NAA25: variants seen among roughly 807,000 people sequenced by gnomAD.
The protein encoded by NAA25 is N-alpha-acetyltransferase 25, NatB auxiliary subunit, also known as N-terminal acetyltransferase B complex subunit NAA25.
NAA25 carries 30 observed loss-of-function variants against 132.5 expected under a neutral mutation model. The observed-to-expected ratio is 0.23, with a 90% CI of 0.17 to 0.31. The LOEUF (loss-of-function observed/expected upper bound fraction) is 0.31. Among genes scored for constraint, NAA25 ranks in the 10% least tolerant of loss-of-function variants. NAA25 has a pLI of 1.00. For missense variants in NAA25, 771 were observed against 1,150.4 expected (o/e 0.67, Z 4.77); for synonymous variants, 359 against 401.9 (o/e 0.89, Z 1.28).
intron 1 of NAA25, among the ~76,000 whole-genome samples, chr12:112,094,900 T>C (rs983463009): frequency 1.3e-5 from 2 of 152,076 alleles, no homozygotes; most frequent in African/African-American, 2.4e-5. Flanking sequence ...CCTCAAGTGA[T>C]CTGCCCGCCT....
rs2079404066 is a variant in NAA25 at position 112,108,765 on chromosome 12, C to G, written c.9G>C (p.Thr3=). The G allele has an allele frequency of 6.6e-7, 1 of 1,523,480 alleles. No individual in the cohort carries two copies. Among genetic ancestry groups the G allele is most frequent in the Non-Finnish European group, 8.8e-7 (1 of 1,132,196 alleles). 94.4% of individuals were successfully genotyped at this position (1,523,480 alleles called of 1,614,324 possible). MA[T]RGHVQDPNDR... ...CGTTAGGGTCCTGCACATGGCCCCG[C>G]GTCGCCATGATGACAAGCGCAGAAC... The change falls in exon 1 of 24, where the codon ACG becomes ACC. Residue 3 remains threonine (T), a synonymous_variant. Transcript: ENST00000261745.
intron 5 of NAA25, among the ~76,000 whole-genome samples, chr12:112,079,929 G>C (rs916449800): frequency 4.6e-5 from 7 of 152,088 alleles, no homozygotes; most frequent in Non-Finnish European, 8.8e-5. Context: ...ATAGATTAGA[G>C]ATTCAGGGGA....
intron 23 of NAA25, among the ~76,000 whole-genome samples, chr12:112,032,088 C>T (rs528515809): frequency 1.3e-5 from 2 of 151,742 alleles, no homozygotes; most frequent in Admixed American, 6.6e-5. Context: ...CTCAGCCTCC[C>T]GAGTAGCTGG....
intron 8 of NAA25, among the ~76,000 whole-genome samples, chr12:112,075,181 G>A (rs992562658): frequency 6.6e-6 from 1 of 151,668 alleles, no homozygotes; most frequent in Non-Finnish European, 1.5e-5. Flanking sequence ...CACCATGGTG[G>A]CACAAGTATC....
intron 23 of NAA25, 76 bp downstream of exon 23, chr12:112,033,157 G>T (rs2078172032): frequency 3.5e-6 from 5 of 1,422,244 alleles, no homozygotes; most frequent in Non-Finnish European, 4.7e-6. Flanking sequence ...ACTTGTCCTT[G>T]TGATAAAGAT....
intron 18 of NAA25, 43 bp downstream of exon 18, chr12:112,043,582 T>C (rs1234659565): frequency 1.2e-6 from 2 of 1,604,614 alleles, no homozygotes; most frequent in East Asian, 2.2e-5. Context: ...CAGTCATAAA[T>C]ATAATTATTG....
intron 16 of NAA25, among the ~76,000 whole-genome samples, chr12:112,048,071 A>C (rs1302419690): frequency 6.6e-6 from 1 of 152,148 alleles, no homozygotes; most frequent in East Asian, 1.9e-4. Context: ...CCAGGCATTG[A>C]TGACCATGAC....
intron 21 of NAA25, 57 bp downstream of exon 21, chr12:112,040,424 G>A: frequency 1.9e-6 from 2 of 1,061,988 alleles, no homozygotes; most frequent in Non-Finnish European, 2.8e-6. Context: ...GTTGAAAAAT[G>A]AATCCTGTAG....
intron 3 of NAA25, among the ~76,000 whole-genome samples, chr12:112,088,646 G>C (rs2079089118): frequency 6.7e-6 from 1 of 148,238 alleles, no homozygotes; most frequent in Admixed American, 6.7e-5. Context: ...TTTGGAGACA[G>C]AGTTTTGCTC....
In NAA25 at chr12:112,028,451, T is replaced by C. The variant is rs1322721413; in HGVS notation, c.*1080A>G. 1 of 152,396 alleles carries C rather than the reference T, an allele frequency of 6.6e-6. No homozygotes were observed. The highest frequency in any genetic ancestry group is 1.5e-5 in the Non-Finnish European group (1 of 68,036). 9.4% of individuals were successfully genotyped at this position (152,396 alleles called of 1,614,324 possible). A position where few individuals can be genotyped will look rare whatever the true frequency, so the allele number is the denominator to read the frequency against. On this transcript the variant is annotated 3_prime_UTR_variant, in exon 24 of 24. Coordinates refer to ENST00000261745, the MANE Select transcript of NAA25 (RefSeq NM_024953.4). ...GAACAAAGTAAACACCATCCTGTTA[T>C]AATTCTCTAAGTTTGAAGAAAGTAG...
chr12:112,091,186 C>T (rs1236313194), intron 2 of NAA25, among the ~76,000 whole-genome samples: 1 of 150,566 alleles, frequency 6.6e-6, no homozygotes, highest in East Asian at 2.0e-4. Flanking sequence ...TCCTCGAGCC[C>T]GGGAGGTTGA....
chr12:112,064,209 C>A (rs2078679489), intron 11 of NAA25: 1 of 152,160 alleles, frequency 6.6e-6, no homozygotes, highest in Non-Finnish European at 1.5e-5. Context: ...AACTGCAGCA[C>A]TGATTTTCAT....
In NAA25 at chr12:112,033,258, A is replaced by G. The variant is rs147412255; in HGVS notation, c.2771T>C (p.Ile924Thr). 9.3e-6 allele frequency: 15 copies of G among 1,608,396 alleles called. No individual in the cohort carries two copies. Among genetic ancestry groups the G allele is most frequent in the Non-Finnish European group, 1.3e-5 (15 of 1,178,036 alleles). The change falls in exon 23 of 24, where the codon ATT (isoleucine) becomes ACT (threonine). Residue 924 changes from isoleucine to threonine, a missense_variant. Ile to Thr is a moderately conservative substitution (Grantham distance 89, BLOSUM62 -1). Transcript: ENST00000261745. Reference sequence around the variant, plus strand: ...CGGTGAGAGAGAAGTGTCTTCTAAAATAAGTTCTTCAAGTTTAAGTGCAAT... The same window carrying G: ...CGGTGAGAGAGAAGTGTCTTCTAAAGTAAGTTCTTCAAGTTTAAGTGCAAT... ...HLIALKLEEL[I>T]LEDTSLSPEE... is the part of the protein sequence containing the mutation.
chr12:112,102,713 G>A (rs140585392), intron 1 of NAA25, among the ~76,000 whole-genome samples: 2,167 of 126,302 alleles, frequency 0.017, 24 homozygotes, highest in Middle Eastern at 0.025. Flanking sequence ...CCGCAATGGA[G>A]TCTCGCACTG....
In NAA25 at chr12:112,029,580, C is replaced by T; in HGVS notation, c.2870G>A (p.Gly957Glu). 1 of 1,613,940 alleles carries T rather than the reference C, an allele frequency of 6.2e-7. No individual in the cohort carries two copies. Among genetic ancestry groups the T allele is most frequent in the South Asian group, 1.1e-5 (1 of 91,066 alleles). Reference sequence around the variant, plus strand: ...CTCAAGTCTTTTTTTCAGCAGCTCCCCCATTTCCAGAAGTGAGTGCAGATA... The same window carrying T: ...CTCAAGTCTTTTTTTCAGCAGCTCCTCCATTTCCAGAAGTGAGTGCAGATA... ...SSYLHSLLEM[G>E]ELLKKRLETT... Residue 957 changes from glycine to glutamate, a missense_variant, in exon 24 of 24, where the codon GGG (glycine) becomes GAG (glutamate). Transcript: ENST00000261745.
chr12:112,105,229 G>A (rs1430476260), intron 1 of NAA25, among the ~76,000 whole-genome samples: 1 of 151,810 alleles, frequency 6.6e-6, no homozygotes, highest in Non-Finnish European at 1.5e-5. Flanking sequence ...TGAGGTGGAT[G>A]GATGACTTGA....
At chr12:112,061,758 T>C (rs2078633261) in intron 11 of NAA25, among the ~76,000 whole-genome samples, 1 of 152,074 alleles carries the variant, frequency 6.6e-6, no homozygotes, top group Admixed American at 6.6e-5. Flanking sequence ...AAAGAGCAGA[T>C]TACCAAAAAA....
rs572661960 is a variant in NAA25 at position 112,040,808 on chromosome 12, T to G, written c.2441-230A>C. 3.3e-5 allele frequency among the ~76,000 whole-genome samples: 5 copies of G among 152,302 alleles called. No individual in the cohort carries two copies. The East Asian group carries it at 9.6e-4, about 29-fold the overall frequency. On this transcript the variant is annotated intron_variant, in intron 20 of 23. Transcript: ENST00000261745. ...AAAATATAAAAGGTAGCCTTAAAAA[T>G]TATACATTCTAGTGTCTAAACACCA...
In NAA25 at chr12:112,043,766, G is replaced by A; in HGVS notation, c.2109C>T (p.Leu703=). Residue 703 remains leucine (L), a synonymous_variant, in exon 18 of 24, where the codon CTC becomes CTT. Transcript: ENST00000261745. ...AGTTCTTTGGCTCCACAGGGTGGTT[G>A]AGACTTGGAAGTCCACTTATCAGCC... ...TLRLISGLPS[L]NHPVEPKNSE... The A allele has an allele frequency of 6.2e-7, 1 of 1,614,136 alleles. No individual in the cohort carries two copies. The highest frequency in any genetic ancestry group is 8.5e-7 in the Non-Finnish European group (1 of 1,180,034).
Sources: gnomAD v4.1 joint callset for allele counts (sites outside exome capture counted in the v4.1 genomes callset) on GRCh38, gnomAD v4.1.1 for gene constraint, MANE v1.5 for transcripts, NCBI Gene and HGNC (gene_info 2026-07-23, HGNC 2026-07-21) for gene names.